DNAH7: variants seen among roughly 807,000 people sequenced by gnomAD.
The protein encoded by DNAH7 is axonemal beta dynein heavy chain 7.
Under a neutral mutation model 444.6 loss-of-function variants are expected in DNAH7, and 397 were observed. The ratio of observed to expected loss-of-function variants is 0.89; its 90% CI spans 0.82 to 0.97. The LOEUF (loss-of-function observed/expected upper bound fraction) is 0.97. DNAH7 is among the 50% of genes least tolerant of loss of function. DNAH7 has a pLI of 0.00. For missense variants in DNAH7, 4,902 were observed against 4,800.8 expected (o/e 1.02, Z -0.62); for synonymous variants, 1,636 against 1,624.4 (o/e 1.01, Z -0.17).
chr2:195,799,108 A>G (rs1006221797), intron 55 of DNAH7, among the ~76,000 whole-genome samples, 188 bp downstream of exon 55: 1 of 152,200 alleles, frequency 6.6e-6, no homozygotes, highest in African/African-American at 2.4e-5. Flanking sequence ...TTTAATTTGG[A>G]TAAGGAGTTC....
chr2:196,058,160 T>C (rs1362284463), intron 1 of DNAH7, 44 bp from the exon 2 acceptor site: 1 of 1,500,296 alleles, frequency 6.7e-7, no homozygotes, highest in African/African-American at 1.4e-5. Context: ...ACTCCGTTAA[T>C]GCTAAAATTG....
Position 195,970,030 on chromosome 2 carries a change from G to A in DNAH7, c.2123C>T (p.Ser708Leu). The A allele has an allele frequency of 6.2e-7, 1 of 1,612,690 alleles. No homozygotes were observed. Among genetic ancestry groups the A allele is most frequent in the Non-Finnish European group, 8.5e-7 (1 of 1,179,456 alleles). Reference protein sequence around the residue: ...SYAKQSEEFYSFGDLQDVQRY... With the variant: ...SYAKQSEEFYLFGDLQDVQRY... ...CTGAACATCCTGAAGATCTCCAAATGAATAAAATTCTTCTGATTGCTTAGC... is the reference window on the plus strand; with the variant it reads ...CTGAACATCCTGAAGATCTCCAAATAAATAAAATTCTTCTGATTGCTTAGC... The change falls in exon 17 of 65, where the codon TCA becomes TTA. Residue 708 changes from serine to leucine, a missense_variant. Coordinates refer to ENST00000312428, the MANE Select transcript of DNAH7 (RefSeq NM_018897.3).
chr2:195,922,229 A>G, intron 23 of DNAH7, 32 bp from the exon 24 acceptor site: 1 of 1,274,038 alleles, frequency 7.8e-7, no homozygotes, highest in Non-Finnish European at 1.1e-6. Context: ...GAAGTTAAAC[A>G]ATAAAATTGT....
Position 195,775,941 on chromosome 2 carries a change from G to A in DNAH7, c.11107C>T (p.Pro3703Ser). ...IEYTKTLPLT[P>S]APEIFGMNAN... ...TTCATCCCAAAGATTTCTGGTGCTG[G>A]GGTCAGTGGCAGAGTCTTTGTGTAT... The change falls in exon 60 of 65, where the codon CCA becomes TCA. Residue 3703 changes from proline (P) to serine (S), a missense_variant. Physicochemically the swap from Pro to Ser is moderately conservative, Grantham distance 74 (BLOSUM62 -1). Transcript: ENST00000312428. 6.2e-7 allele frequency: 1 copy of A among 1,614,162 alleles called. No homozygotes were observed. The highest frequency in any genetic ancestry group is 8.5e-7 in the Non-Finnish European group (1 of 1,180,020).
In DNAH7 at chr2:195,864,276, A is replaced by G; in HGVS notation, c.7379T>C (p.Met2460Thr). 1.2e-6 allele frequency: 2 copies of G among 1,614,136 alleles called. No homozygotes were observed. Among genetic ancestry groups the G allele is most frequent in the Non-Finnish European group, 1.7e-6 (2 of 1,180,002 alleles). The change falls in exon 41 of 65, where the codon ATG becomes ACG. Residue 2460 changes from methionine to threonine, a missense_variant. Transcript: ENST00000312428. ...TDGSPIALFNMFIDHCRSQLH... is the reference protein window; with the variant it reads ...TDGSPIALFNTFIDHCRSQLH... ...TTGGCTGCGGCAATGATCAATAAACATGTTGAAAAGGGCTATGGGGCTGCC... is the reference window on the plus strand; with the variant it reads ...TTGGCTGCGGCAATGATCAATAAACGTGTTGAAAAGGGCTATGGGGCTGCC...
In DNAH7 at chr2:196,053,091, C is replaced by T. The variant is rs79746904; in HGVS notation, c.79-1842G>A. Among the ~76,000 whole-genome samples, 163 of 152,036 alleles carry T rather than the reference C, an allele frequency of 1.1e-3. 1 individual carries two copies. In the East Asian group the frequency reaches 0.028, roughly 26 times the overall value. On this transcript the variant is annotated intron_variant, in intron 2 of 64. Coordinates refer to ENST00000312428, the MANE Select transcript of DNAH7 (RefSeq NM_018897.3). ...ACATAATCTCAGAAACTAGTATGTA[C>T]AATGAAGAATAATAAAACAGTGTGA...
At chr2:195,933,737 C>T (rs552397784) in intron 21 of DNAH7, among the ~76,000 whole-genome samples, 59 of 104,366 alleles carry the variant, frequency 5.7e-4, no homozygotes, top group Admixed American at 1.7e-3. Context: ...CATCACACAC[C>T]GGGGCCTGTT....
chr2:196,024,041 A>G lies in DNAH7; in HGVS notation c.743+388T>C, dbSNP rs772903239. 7.0e-4 allele frequency among the ~76,000 whole-genome samples: 106 copies of G among 152,198 alleles called. 1 individual carries two copies. The highest frequency in any genetic ancestry group is 1.3e-3 in the Non-Finnish European group (86 of 68,028). ...TTTCCAAGATAATTATAATAGTAAC[A>G]TCAAAGATTACTGATCACAGCTCAC... On this transcript the variant is annotated intron_variant, in intron 8 of 64. Coordinates refer to ENST00000312428, the MANE Select transcript of DNAH7 (RefSeq NM_018897.3).
chr2:195,887,798 G>A (rs1189079696), intron 33 of DNAH7, among the ~76,000 whole-genome samples: 2 of 151,944 alleles, frequency 1.3e-5, no homozygotes, highest in Admixed American at 1.3e-4. Context: ...CCATTTCCTT[G>A]TCATTTTCCT....
At chr2:196,000,565 GT>G in intron 12 of DNAH7, 138 bp downstream of exon 12, 1 of 743,880 alleles carries the variant, frequency 1.3e-6, no homozygotes, top group Non-Finnish European at 2.0e-6. Context: ...GAAAATGGTA[GT>G]TTTTTAGGAA....
At chr2:195,909,969 T>C (rs1239502639) in intron 25 of DNAH7, 58 bp downstream of exon 25, 2 of 1,481,682 alleles carry the variant, frequency 1.3e-6, no homozygotes, top group Non-Finnish European at 1.8e-6. Flanking sequence ...TGTTGCATCA[T>C]AAATAACCAT....
chr2:195,964,023 A>G (rs1691294056), intron 17 of DNAH7, among the ~76,000 whole-genome samples: 1 of 152,064 alleles, frequency 6.6e-6, no homozygotes, highest in Admixed American at 6.6e-5. Flanking sequence ...TCTGAATCCT[A>G]ATTTGAAACT....
At chr2:195,763,956 C>T (rs1003095042) in intron 61 of DNAH7, among the ~76,000 whole-genome samples, 1 of 151,666 alleles carries the variant, frequency 6.6e-6, no homozygotes, top group Non-Finnish European at 1.5e-5. Flanking sequence ...AAACTACAAG[C>T]CAATATCCCT....
chr2:195,934,586 G>A lies in DNAH7; in HGVS notation c.3471+5C>T. 6 of 1,613,490 alleles carry A rather than the reference G, an allele frequency of 3.7e-6. No individual in the cohort carries two copies. The highest frequency in any genetic ancestry group is 5.1e-6 in the Non-Finnish European group (6 of 1,179,554). ...TTTCTAAAAATCATCAGTATAATCA[G>A]CTACCTTGTGGATGGAGTTAATCAT... On this transcript the variant is annotated splice_donor_5th_base_variant and intron_variant, in intron 21 of 64. Coordinates refer to ENST00000312428, the MANE Select transcript of DNAH7 (RefSeq NM_018897.3).
Position 195,922,382 on chromosome 2 carries a change from T to C in DNAH7, c.3826-185A>G, listed in dbSNP as rs541225302. On this transcript the variant is annotated intron_variant, in intron 23 of 64. Transcript: ENST00000312428. The stretch of plus-strand genomic sequence containing the variant: ...GATGAATAATTGAAGTCACTGGCTT[T>C]AATTTTTCCCATAAAATATTTTAGT... 2.4e-4 allele frequency among the ~76,000 whole-genome samples: 36 copies of C among 152,360 alleles called. 2 individuals carry two copies. In the South Asian group the frequency reaches 7.3e-3, roughly 31 times the overall value.
chr2:195,744,210 T>C (rs1392649807), intron 63 of DNAH7, among the ~76,000 whole-genome samples: 1 of 152,174 alleles, frequency 6.6e-6, no homozygotes, highest in Non-Finnish European at 1.5e-5. Flanking sequence ...CAGGAGATTA[T>C]ATCCCACACC....
intron 47 of DNAH7, among the ~76,000 whole-genome samples, chr2:195,837,965 C>T (rs1004419561): frequency 6.6e-6 from 1 of 152,056 alleles, no homozygotes. Context: ...AAAGGTGCCC[C>T]TGGGATATGG....
chr2:195,825,378 A>C (rs921690651), intron 48 of DNAH7, among the ~76,000 whole-genome samples: 6 of 152,202 alleles, frequency 3.9e-5, no homozygotes, highest in African/African-American at 1.4e-4. Context: ...GAGACTAAAC[A>C]ACACATTGAA....
rs114500919 is a variant in DNAH7, at chr2:195,767,678, C to T, written c.11433+3982G>A. 1.9e-3 allele frequency among the ~76,000 whole-genome samples: 295 copies of T among 152,002 alleles called. 1 individual carries two copies. The highest frequency in any genetic ancestry group is 6.7e-3 in the African/African-American group (278 of 41,536). On this transcript the variant is annotated intron_variant, in intron 61 of 64. Coordinates refer to ENST00000312428, the MANE Select transcript of DNAH7 (RefSeq NM_018897.3). ...TAAATTTTCTTGGGTGTAACTTCAGCTTTATCCCATAATTATAATGTGTAA... is the reference window on the plus strand; with the variant it reads ...TAAATTTTCTTGGGTGTAACTTCAGTTTTATCCCATAATTATAATGTGTAA...
Sources: allele counts gnomAD v4.1 joint callset (sites outside exome capture counted in the v4.1 genomes callset), GRCh38; gene constraint gnomAD v4.1.1; transcripts MANE v1.5; gene names NCBI Gene and HGNC (gene_info 2026-07-23, HGNC 2026-07-21).